NUCB1: variants seen among roughly 807,000 people sequenced by gnomAD.
NUCB1 encodes the protein nucleobindin 1.
Under a neutral mutation model 61.2 loss-of-function variants are expected in NUCB1, and 47 were observed. The ratio of observed to expected loss-of-function variants is 0.77; its 90% CI spans 0.61 to 0.98. The LOEUF is 0.98. Among genes scored for constraint, NUCB1 ranks in the 50% least tolerant of loss-of-function variants. NUCB1 has a pLI of 0.00. For synonymous variants in NUCB1, 234 were observed against 243.1 expected (o/e 0.96, Z 0.35); for missense variants, 583 against 605.3 (o/e 0.96, Z 0.39).
intron 2 of NUCB1, among the ~76,000 whole-genome samples, chr19:48,901,706 T>G (rs1024888060): frequency 6.6e-6 from 1 of 152,044 alleles, no homozygotes; most frequent in African/African-American, 2.4e-5. Context: ...GAGGTGGAGG[T>G]TGCAGTGAGC....
chr19:48,912,713 A>C (rs1305836769), intron 5 of NUCB1, among the ~76,000 whole-genome samples: 2 of 147,410 alleles, frequency 1.4e-5, no homozygotes, highest in East Asian at 1.9e-4. Flanking sequence ...ACACATGCCT[A>C]TAATCCCAGC....
At position 48,919,128 on chromosome 19, in the gene NUCB1, G is replaced by C. The variant is rs368833525; in HGVS notation, c.909+6G>C. 1.2e-6 allele frequency: 2 copies of C among 1,614,016 alleles called. No homozygotes were observed. Among genetic ancestry groups the C allele is most frequent in the South Asian group, 2.2e-5 (2 of 91,082 alleles). ...GGGAGCATGTGATGAAGAATGTGAG[G>C]TGGGGGCCAGGCGGGGGAGAGGACG... On this transcript the variant is annotated splice_donor_region_variant and intron_variant, in intron 9 of 12. Transcript: ENST00000405315.
At chr19:48,903,078 G>A (rs1185622714) in intron 2 of NUCB1, among the ~76,000 whole-genome samples, 2 of 152,050 alleles carry the variant, frequency 1.3e-5, no homozygotes, top group Non-Finnish European at 2.9e-5. Context: ...AAAGCACTGG[G>A]ATTACAGGCA....
At chr19:48,921,353 A>G (rs769819618) in intron 11 of NUCB1, 29 bp downstream of exon 11, 2 of 1,558,700 alleles carry the variant, frequency 1.3e-6, no homozygotes, top group East Asian at 2.4e-5. Flanking sequence ...GCTTCCATCC[A>G]CTGAATCTCT....
At chr19:48,919,482 T>TATTA (rs2037582697) in intron 10 of NUCB1, among the ~76,000 whole-genome samples, 196 bp downstream of exon 10, 1 of 150,924 alleles carries the variant, frequency 6.6e-6, no homozygotes, top group African/African-American at 2.4e-5. Flanking sequence ...TTTATTTATT[T>TATTA]ATTTATTTAT....
Position 48,913,023 on chromosome 19 carries a change from C to T in NUCB1, c.493C>T (p.Leu165Phe), listed in dbSNP as rs371707314. 7 of 1,610,464 alleles carry T rather than the reference C, an allele frequency of 4.3e-6. No individual in the cohort carries two copies. The highest frequency in any genetic ancestry group is 4.0e-5 in the African/African-American group (3 of 74,696). Residue 165 changes from leucine (L) to phenylalanine (F), a missense_variant, in exon 6 of 13, where the codon CTT becomes TTT. Transcript: ENST00000405315. ...TGCCTTTCCCCAGGCCACCCGGGACCTTGCCCAGTACGACGCAGCCCATCA... is the reference window on the plus strand; with the variant it reads ...TGCCTTTCCCCAGGCCACCCGGGACTTTGCCCAGTACGACGCAGCCCATCA... ...ELLIQTATRDLAQYDAAHHEE... is the reference protein window; with the variant it reads ...ELLIQTATRDFAQYDAAHHEE...
At chr19:48,918,361 C>CA (rs1339409869) in intron 7 of NUCB1, 1 of 207,806 alleles carries the variant, frequency 4.8e-6, no homozygotes, top group African/African-American at 2.3e-5. Context: ...GCTCCCCTCA[C>CA]AACTGGAGTC....
intron 7 of NUCB1, among the ~76,000 whole-genome samples, chr19:48,918,136 G>C (rs1173517750): frequency 2.0e-5 from 3 of 152,096 alleles, no homozygotes; most frequent in Non-Finnish European, 2.9e-5. Context: ...AGAGAGGACA[G>C]AATCATGTTC....
At position 48,905,894 on chromosome 19, in the gene NUCB1, G is replaced by T; in HGVS notation, c.376+9G>T. ...CGCCGAGCAGGATCCCAGTGAGCAG[G>T]GGCAGGGCGGGAGGGACAGGCAGGG... On this transcript the variant is annotated intron_variant, in intron 4 of 12. Transcript: ENST00000405315. The T allele has an allele frequency of 6.2e-7, 1 of 1,610,236 alleles. No homozygotes were observed. The highest frequency in any genetic ancestry group is 1.1e-5 in the South Asian group (1 of 90,666).
chr19:48,903,583 C>G (rs1188448375), intron 2 of NUCB1, among the ~76,000 whole-genome samples: 1 of 20,006 alleles, frequency 5.0e-5, no homozygotes, highest in Non-Finnish European at 9.1e-5. Flanking sequence ...GATGGATGGG[C>G]GGGTGGATGG....
chr19:48,922,338 C>T lies in NUCB1; in HGVS notation c.1300C>T (p.Pro434Ser), dbSNP rs2037620512. 2.5e-6 allele frequency: 4 copies of T among 1,613,722 alleles called. No homozygotes were observed. Among genetic ancestry groups the T allele is most frequent in the Admixed American group, 3.3e-5 (2 of 59,982 alleles). ...PDTDDVPVPA[P>S]AGDQKEVDTS... Reference sequence around the variant, plus strand: ...TCCAGACGATGTACCTGTCCCAGCTCCAGCCGGTGACCAGAAGGAGGTGGA... The same window carrying T: ...TCCAGACGATGTACCTGTCCCAGCTTCAGCCGGTGACCAGAAGGAGGTGGA... The change falls in exon 13 of 13, where the codon CCA (proline) becomes TCA (serine). Residue 434 changes from proline (P) to serine (S), a missense_variant. By Grantham distance (74) the Pro-to-Ser change is moderately conservative (BLOSUM62 -1). Transcript: ENST00000405315.
At position 48,911,265 on chromosome 19, in the gene NUCB1, G is replaced by T. The variant is rs1281315258; in HGVS notation, c.480+13G>T. On this transcript the variant is annotated intron_variant, in intron 5 of 12. Coordinates refer to ENST00000405315, the MANE Select transcript of NUCB1 (RefSeq NM_006184.6). ...GCTGATCCAGACGGTAATGGGAGTG[G>T]GTCCGGAGGCAGAGGATTGAGGGTA... 4.4e-6 allele frequency: 7 copies of T among 1,592,690 alleles called. No individual in the cohort carries two copies. In the African/African-American group the frequency reaches 8.1e-5, roughly 18 times the overall value.
chr19:48,918,444 A>G, intron 7 of NUCB1: 2 of 405,978 alleles, frequency 4.9e-6, no homozygotes, highest in South Asian at 5.8e-5. Context: ...CAGAGCACTG[A>G]ATGCCAGGGC....
rs940143005 is a variant in NUCB1 at position 48,922,658 on chromosome 19, G to C, written c.*234G>C. The C allele has an allele frequency of 4.1e-5, 21 of 514,126 alleles. No individual in the cohort carries two copies. The highest frequency in any genetic ancestry group is 1.2e-4 in the African/African-American group (6 of 51,716). 31.8% of individuals were successfully genotyped at this position (514,126 alleles called of 1,614,324 possible). ...TCCTCCGAGGGGCTTGCCTTCTCTC[G>C]TGTCCAGTGAGGTGCTCAGTGATCG... On this transcript the variant is annotated 3_prime_UTR_variant, in exon 13 of 13. Transcript: ENST00000405315.
chr19:48,913,629 A>G (rs1287193659), intron 7 of NUCB1, 65 bp downstream of exon 7: 3 of 1,328,828 alleles, frequency 2.3e-6, no homozygotes, highest in Non-Finnish European at 3.3e-6. Flanking sequence ...TAGGACCTGA[A>G]TGCTAAGAGG....
intron 5 of NUCB1, 151 bp from the exon 6 acceptor site, chr19:48,912,860 A>G (rs1600060695): frequency 2.2e-6 from 1 of 451,276 alleles, no homozygotes. Flanking sequence ...AAAAAAAAAA[A>G]AAGGGACATT....
In NUCB1 at chr19:48,913,165, G is replaced by C; in HGVS notation, c.635G>C (p.Arg212Pro). The change falls in exon 6 of 13, where the codon CGG (arginine) becomes CCG (proline). Residue 212 changes from arginine to proline, a missense_variant. Arg to Pro is a moderately radical substitution (Grantham distance 103). Coordinates refer to ENST00000405315, the MANE Select transcript of NUCB1 (RefSeq NM_006184.6). ...AGGAAGCTGGAAGAGCAACAGCGCC[G>C]GCACCGCGAGCACCCTAAAGTCAAC... ...AERKLEEQQR[R>P]HREHPKVNVP... 6.2e-7 allele frequency: 1 copy of C among 1,613,654 alleles called. No homozygotes were observed. Among genetic ancestry groups the C allele is most frequent in the South Asian group, 1.1e-5 (1 of 91,062 alleles).
intron 10 of NUCB1, among the ~76,000 whole-genome samples, chr19:48,919,537 G>A (rs1304673118): frequency 6.6e-6 from 1 of 151,438 alleles, no homozygotes; most frequent in Non-Finnish European, 1.5e-5. Context: ...CAGTGCAGTG[G>A]CACGATCTCG....
intron 3 of NUCB1, 56 bp downstream of exon 3, chr19:48,904,510 C>G: frequency 1.0e-6 from 1 of 986,566 alleles, no homozygotes; most frequent in Non-Finnish European, 1.5e-6. Context: ...GGGCAGAGTT[C>G]AGGGGAGGAC....
Sources: allele counts gnomAD v4.1 joint callset (sites outside exome capture counted in the v4.1 genomes callset), GRCh38; gene constraint gnomAD v4.1.1; transcripts MANE v1.5; gene names NCBI Gene and HGNC (gene_info 2026-07-23, HGNC 2026-07-21).